The following ACAD9 variants were observed in gnomAD, a reference collection of about 807,000 sequenced individuals.
ACAD9 encodes acyl-CoA dehydrogenase family member 9.
ACAD9 carries 53 observed loss-of-function variants against 70.2 expected under a neutral mutation model. That is an observed-to-expected ratio of 0.75 (90% CI 0.61 to 0.95). The LOEUF (loss-of-function observed/expected upper bound fraction) is 0.95, where lower values mean the gene tolerates loss of function less well. ACAD9 is among the 40% of genes least tolerant of loss of function. ACAD9 has a pLI of 0.00. For synonymous variants in ACAD9, 313 were observed against 312.1 expected, an observed-to-expected ratio of 1.00 and a Z score of -0.03; for missense variants, 777 against 802.8, an observed-to-expected ratio of 0.97 and a Z score of 0.39.
chr3:128,888,103 C>G (rs1935306304), intron 2 of ACAD9, among the ~76,000 whole-genome samples: 1 of 152,110 alleles, frequency 6.6e-6, no homozygotes, highest in Admixed American at 6.5e-5. Flanking sequence ...GACTTATATG[C>G]AAACCTAAGA....
In ACAD9 at chr3:128,901,320, A is replaced by C. The variant is rs775494871; in HGVS notation, c.853A>C (p.Ile285Leu). 3 of 1,614,042 alleles carry C rather than the reference A, an allele frequency of 1.9e-6. No homozygotes were observed. The highest frequency in any genetic ancestry group is 3.3e-5 in the Admixed American group (2 of 59,994). The change falls in exon 8 of 18, where the codon ATC becomes CTC. Residue 285 changes from isoleucine (I) to leucine (L), a missense_variant. Physicochemically the swap from Ile to Leu is conservative, Grantham distance 5. Coordinates refer to ENST00000308982, the MANE Select transcript of ACAD9 (RefSeq NM_014049.5). ...AAACACCAAGATACCTGTGGAAAAC[A>C]TCCTTGGAGAGGTCGGAGATGGGTT... The part of the protein sequence containing the change: ...FENTKIPVEN[I>L]LGEVGDGFKV...
chr3:128,898,424 G>A (rs1415845993), intron 6 of ACAD9: 1 of 442,428 alleles, frequency 2.3e-6, no homozygotes. Context: ...CTTTTCTTTT[G>A]AGACAGGGTC....
intron 7 of ACAD9, 46 bp downstream of exon 7, chr3:128,899,507 G>T: frequency 6.3e-7 from 1 of 1,597,318 alleles, no homozygotes. Context: ...GTGTAAGGGG[G>T]AGACTGGCCT....
intron 7 of ACAD9, 138 bp downstream of exon 7, chr3:128,899,599 C>A: frequency 9.9e-7 from 1 of 1,014,190 alleles, no homozygotes; most frequent in Non-Finnish European, 1.4e-6. Context: ...GTCCAAATAG[C>A]AAGATAAAAT....
intron 16 of ACAD9, 129 bp from the exon 17 acceptor site, chr3:128,910,612 G>A: frequency 2.0e-6 from 2 of 1,004,812 alleles, no homozygotes; most frequent in Non-Finnish European, 3.2e-6. Context: ...CCCAAGACGG[G>A]GTGACTCCTG....
At chr3:128,904,179 GA>G (rs1935822809) in intron 10 of ACAD9, 47 bp downstream of exon 10, 2 of 1,602,724 alleles carry the variant, frequency 1.2e-6, no homozygotes, top group Non-Finnish European at 1.7e-6. Context: ...TGTGTGACAT[GA>G]ACGGTGTGTT....
chr3:128,912,497 T>C lies in ACAD9; in HGVS notation c.1766-10T>C, dbSNP rs2107671625. 1 of 1,612,354 alleles carries C rather than the reference T, an allele frequency of 6.2e-7. No homozygotes were observed. The highest frequency in any genetic ancestry group is 1.1e-5 in the South Asian group (1 of 91,042). On this transcript the variant is annotated splice_polypyrimidine_tract_variant and intron_variant, in intron 17 of 17. Transcript: ENST00000308982. ...AAAGATCACCCACCATCTCTCCTTT[T>C]CCTTCCCAGATGCTCCAGAAAACCT...
At chr3:128,889,655 T>G (rs1457541012) in intron 2 of ACAD9, among the ~76,000 whole-genome samples, 4 of 152,226 alleles carry the variant, frequency 2.6e-5, no homozygotes, top group Non-Finnish European at 5.9e-5. Context: ...ATTTTGAATT[T>G]CATCCATGGT....
rs1016831509 is a variant in ACAD9, at chr3:128,899,529, T to C, written c.808+68T>C. ...GGGGAGACTGGCCTTTGACGGTGTG[T>C]GTGTGTGTGTGTGTGTGTGTGTGTG... On this transcript the variant is annotated intron_variant, in intron 7 of 17. Coordinates refer to ENST00000308982, the MANE Select transcript of ACAD9 (RefSeq NM_014049.5). 6.5e-6 allele frequency: 7 copies of C among 1,084,454 alleles called. No individual in the cohort carries two copies. In the African/African-American group the frequency reaches 9.5e-5, roughly 15 times the overall value. The allele number at this position is 1,084,454 out of a possible 1,614,324, so 67.2% of individuals were successfully genotyped here.
At position 128,902,990 on chromosome 3, in the gene ACAD9, G is replaced by A. The variant is rs766693920; in HGVS notation, c.958+362G>A. Among the ~76,000 whole-genome samples the A allele has an allele frequency of 1.7e-4, 26 of 152,170 alleles. No individual in the cohort carries two copies. Among genetic ancestry groups the A allele is most frequent in the Non-Finnish European group, 3.1e-4 (21 of 68,024 alleles). On this transcript the variant is annotated intron_variant, in intron 9 of 17. Transcript: ENST00000308982. This position sits in a 1 kb window ranked among gnomAD's most constrained non-coding sequence, Gnocchi z 4.0. ...CACACACCAAGAACCAGGCTTCCAG[G>A]ATACACGGCCTCTGGTTCCCAAGGT...
Position 128,879,686 on chromosome 3 carries a change from G to A in ACAD9, c.-6G>A, listed in dbSNP as rs1461807013. The stretch of plus-strand genomic sequence containing the variant: ...CTGAGGCTGAGGCTGGGGAACATCG[G>A]GCAGCATGAGCGGCTGCGGGCTCTT... On this transcript the variant is annotated 5_prime_UTR_variant, in exon 1 of 18. Coordinates refer to ENST00000308982, the MANE Select transcript of ACAD9 (RefSeq NM_014049.5). 13 of 1,612,262 alleles carry A rather than the reference G, an allele frequency of 8.1e-6. No homozygotes were observed. The highest frequency in any genetic ancestry group is 1.1e-5 in the Non-Finnish European group (13 of 1,179,876).
At chr3:128,912,194 G>C (rs1045174956) in intron 17 of ACAD9, among the ~76,000 whole-genome samples, 1 of 152,224 alleles carries the variant, frequency 6.6e-6, no homozygotes, top group Non-Finnish European at 1.5e-5. Context: ...GCTGTGGAGG[G>C]TGCTGAAATG....
intron 3 of ACAD9, among the ~76,000 whole-genome samples, chr3:128,895,030 C>G (rs1348029634): frequency 6.6e-6 from 1 of 151,958 alleles, no homozygotes; most frequent in Non-Finnish European, 1.5e-5. Context: ...GCACACACCA[C>G]CACACCTGGC....
chr3:128,893,677 C>T, intron 3 of ACAD9, 21 bp downstream of exon 3: 1 of 1,596,448 alleles, frequency 6.3e-7, no homozygotes, highest in Non-Finnish European at 8.6e-7. Flanking sequence ...CAAACAAGCA[C>T]CCAGCCAGTT....
chr3:128,895,810 C>T (rs1429409275), intron 4 of ACAD9, among the ~76,000 whole-genome samples: 1 of 152,228 alleles, frequency 6.6e-6, no homozygotes, highest in African/African-American at 2.4e-5. Flanking sequence ...CACCTTAGGG[C>T]AGGCCCAGGG....
At chr3:128,904,564 CTG>C in intron 11 of ACAD9, 59 bp downstream of exon 11, 1 of 1,585,316 alleles carries the variant, frequency 6.3e-7, no homozygotes, top group African/African-American at 1.3e-5. Flanking sequence ...ATCTCCCTCA[CTG>C]TGACCTTTCA....
chr3:128,897,448 G>A (rs1400753540), intron 5 of ACAD9, among the ~76,000 whole-genome samples, 184 bp from the exon 6 acceptor site: 1 of 151,988 alleles, frequency 6.6e-6, no homozygotes, highest in Non-Finnish European at 1.5e-5. Flanking sequence ...TCTATTAATA[G>A]CAGCAGAGTT....
intron 2 of ACAD9, among the ~76,000 whole-genome samples, chr3:128,888,178 G>C (rs1559819886): frequency 6.6e-6 from 1 of 152,132 alleles, no homozygotes; most frequent in South Asian, 2.1e-4. Flanking sequence ...CTGGGAACAT[G>C]GTACTTTGGA....
intron 13 of ACAD9, chr3:128,908,580 C>A (rs915043079): frequency 5.0e-5 from 28 of 556,710 alleles, no homozygotes; most frequent in Non-Finnish European, 8.4e-5. Context: ...AGGTGCCAGG[C>A]CTCACAGCCA....
Sources: allele counts gnomAD v4.1 joint callset (sites outside exome capture counted in the v4.1 genomes callset), GRCh38; gene constraint gnomAD v4.1.1; non-coding constraint Gnocchi (gnomAD v3.1); transcripts MANE v1.5; gene names NCBI Gene and HGNC (gene_info 2026-07-23, HGNC 2026-07-21).